The following PROB1 variants were observed in gnomAD, a reference collection of about 807,000 sequenced individuals.
The protein encoded by PROB1 is proline-rich basic protein 1.
For missense variants in PROB1, 1,453 were observed against 1,485.7 expected, an observed-to-expected ratio of 0.98 and a Z score of 0.36; for synonymous variants, 660 against 699.3, an observed-to-expected ratio of 0.94 and a Z score of 0.89.
rs1338390496 is a variant in PROB1 at position 139,393,820 on chromosome 5, G to A, written c.1262C>T (p.Thr421Ile). ...SPQNLSPWDR[T>I]TRRVSSPLFP... ...CAATGGGCTACTCACCCTCCGAGTA[G>A]TCCGATCCCACGGGGACAGGTTCTG... is the stretch of plus-strand genomic sequence containing the variant. Residue 421 changes from threonine (T) to isoleucine (I), a missense_variant, in exon 1 of 1, where the codon ACT becomes ATT. Coordinates refer to ENST00000434752, the MANE Select transcript of PROB1 (RefSeq NM_001161546.2). 1 of 1,551,322 alleles carries A rather than the reference G, an allele frequency of 6.4e-7. No individual in the cohort carries two copies. The highest frequency in any genetic ancestry group is 2.0e-5 in the Admixed American group (1 of 50,994).
At position 139,393,155 on chromosome 5, in the gene PROB1, C is replaced by A; in HGVS notation, c.1927G>T (p.Ala643Ser). ...TTYAPGFPAGAQGSGLPAPPA... is the reference protein window; with the variant it reads ...TTYAPGFPAGSQGSGLPAPPA... Reference sequence around the variant, plus strand: ...GGCGCAGGCAGCCCAGAGCCTTGTGCTCCTGCCGGGAAGCCTGGCGCGTAC... The same window carrying A: ...GGCGCAGGCAGCCCAGAGCCTTGTGATCCTGCCGGGAAGCCTGGCGCGTAC... Residue 643 changes from alanine (A) to serine (S), a missense_variant, in exon 1 of 1, where the codon GCA becomes TCA. Transcript: ENST00000434752. 1 of 1,546,150 alleles carries A rather than the reference C, an allele frequency of 6.5e-7. No homozygotes were observed. Among genetic ancestry groups the A allele is most frequent in the East Asian group, 2.4e-5 (1 of 40,850 alleles).
chr5:139,392,972 T>A lies in PROB1; in HGVS notation c.2110A>T (p.Thr704Ser), dbSNP rs1266711902. Reference protein sequence around the residue: ...PYEPPEPSFDTVARDASQPNG... With the variant: ...PYEPPEPSFDSVARDASQPNG... ...GGCTGTGAGGCGTCCCGGGCGACCG[T>A]GTCGAAGGACGGTTCAGGAGGCTCG... is the stretch of plus-strand genomic sequence containing the variant. The change falls in exon 1 of 1, where the codon ACG (threonine) becomes TCG (serine). Residue 704 changes from threonine to serine, a missense_variant. Coordinates refer to ENST00000434752, the MANE Select transcript of PROB1 (RefSeq NM_001161546.2). The surrounding 1 kb of genome is among the most constrained non-coding windows in gnomAD (Gnocchi z 5.8). The A allele has an allele frequency of 6.6e-7, 1 of 1,504,600 alleles. No individual in the cohort carries two copies. Among genetic ancestry groups the A allele is most frequent in the South Asian group, 1.3e-5 (1 of 78,618 alleles). The allele number at this position is 1,504,600 out of a possible 1,614,324, so 93.2% of individuals were successfully genotyped here.
Position 139,393,371 on chromosome 5 carries a change from A to C in PROB1, c.1711T>G (p.Ser571Ala), listed in dbSNP as rs779658454. ...TGACTCCCTCCAAAGGCAAGATCTG[A>C]AATTTCCCGCGTGGATGGACTCTGC... is the stretch of plus-strand genomic sequence containing the variant. ...EMQSPSTREI[S>A]DLAFGGSQQS... Residue 571 changes from serine to alanine, a missense_variant, in exon 1 of 1, where the codon TCA becomes GCA. Physicochemically the swap from Ser to Ala is moderately conservative, Grantham distance 99 (BLOSUM62 1). Transcript: ENST00000434752. 6.4e-7 allele frequency: 1 copy of C among 1,551,550 alleles called. No individual in the cohort carries two copies. The highest frequency in any genetic ancestry group is 1.2e-5 in the South Asian group (1 of 84,062).
At position 139,394,870 on chromosome 5, in the gene PROB1, A is replaced by T; in HGVS notation, c.212T>A (p.Leu71Gln). The T allele has an allele frequency of 6.6e-7, 1 of 1,521,962 alleles. No individual in the cohort carries two copies. Among genetic ancestry groups the T allele is most frequent in the African/African-American group, 1.4e-5 (1 of 69,512 alleles). The allele number at this position is 1,521,962 out of a possible 1,614,324, so 94.3% of individuals were successfully genotyped here. Reference sequence around the variant, plus strand: ...GCGGCTATTCTGGGCGCTGACGGACAGGCGAGGCTGCGCGCCCGCCCCCCG... The same window carrying T: ...GCGGCTATTCTGGGCGCTGACGGACTGGCGAGGCTGCGCGCCCGCCCCCCG... The part of the protein sequence containing the change: ...PGRGAGAQPR[L>Q]SVSAQNSRQR... The change falls in exon 1 of 1, where the codon CTG becomes CAG. Residue 71 changes from leucine to glutamine, a missense_variant. Physicochemically the swap from Leu to Gln is moderately radical, Grantham distance 113. Transcript: ENST00000434752.
At position 139,395,086 on chromosome 5, in the gene PROB1, G is replaced by C. The variant is rs763015704; in HGVS notation, c.-5C>G. ...CGGGGCGAGCGCGGTCAGCATGGTG[G>C]GGCCGGACGCCGTGCACTATCTCCC... On this transcript the variant is annotated 5_prime_UTR_variant, in exon 1 of 1. Coordinates refer to ENST00000434752, the MANE Select transcript of PROB1 (RefSeq NM_001161546.2). The C allele has an allele frequency of 5.1e-5, 72 of 1,398,646 alleles. 2 individuals are homozygous for C. The South Asian group carries it at 1.1e-3, about 21-fold the overall frequency. 86.6% of individuals were successfully genotyped at this position (1,398,646 alleles called of 1,614,324 possible).
Position 139,392,304 on chromosome 5 carries a change from G to T in PROB1, c.2778C>A (p.Pro926=). The T allele has an allele frequency of 1.3e-6, 2 of 1,533,054 alleles. No individual in the cohort carries two copies. Among genetic ancestry groups the T allele is most frequent in the Non-Finnish European group, 1.8e-6 (2 of 1,139,144 alleles). The allele number at this position is 1,533,054 out of a possible 1,614,324, so 95.0% of individuals were successfully genotyped here. Residue 926 remains proline, a synonymous_variant, in exon 1 of 1, where the codon CCC becomes CCA. Coordinates refer to ENST00000434752, the MANE Select transcript of PROB1 (RefSeq NM_001161546.2). This position sits in a 1 kb window ranked among gnomAD's most constrained non-coding sequence, Gnocchi z 5.8. ...VLLPPSSPGP[P]HRVYTPLALG... ...GGGCCAGAGGGGTGTAGACGCGGTG[G>T]GGCGGCCCGGGAGACGAGGGCGGCA...
chr5:139,391,730 A>C lies in PROB1; in HGVS notation c.*304T>G. 1 of 286,124 alleles carries C rather than the reference A, an allele frequency of 3.5e-6. No individual in the cohort carries two copies. Among genetic ancestry groups the C allele is most frequent in the Non-Finnish European group, 6.5e-6 (1 of 154,012 alleles). 17.7% of individuals were successfully genotyped at this position (286,124 alleles called of 1,614,324 possible). A position where few individuals can be genotyped will look rare whatever the true frequency, so the allele number is the denominator to read the frequency against. ...AGCCCAGGGATGCCTCACTTTCCCTATTTGCTTGCCCGCATATACACATAT... is the reference window on the plus strand; with the variant it reads ...AGCCCAGGGATGCCTCACTTTCCCTCTTTGCTTGCCCGCATATACACATAT... On this transcript the variant is annotated 3_prime_UTR_variant, in exon 1 of 1. Coordinates refer to ENST00000434752, the MANE Select transcript of PROB1 (RefSeq NM_001161546.2). The surrounding 1 kb of genome is among the most constrained non-coding windows in gnomAD (Gnocchi z 4.8).
rs1258913945 is a variant in PROB1 at position 139,392,741 on chromosome 5, C to T, written c.2341G>A (p.Gly781Ser). 9.9e-6 allele frequency: 14 copies of T among 1,413,206 alleles called. No individual in the cohort carries two copies. Among genetic ancestry groups the T allele is most frequent in the Admixed American group, 9.9e-5 (3 of 30,302 alleles). 87.5% of individuals were successfully genotyped at this position (1,413,206 alleles called of 1,614,324 possible). The change falls in exon 1 of 1, where the codon GGC becomes AGC. Residue 781 changes from glycine to serine, a missense_variant. Coordinates refer to ENST00000434752, the MANE Select transcript of PROB1 (RefSeq NM_001161546.2). The surrounding 1 kb of genome is among the most constrained non-coding windows in gnomAD (Gnocchi z 5.8). ...GAGCGCTGGGATGAGCTGCGGGCGC[C>T]GCCTAGAGGGCTGGTCCGACCGTCG... The part of the protein sequence containing the change: ...DGDGRTSPLG[G>S]ARSSSQRSPV...
At position 139,391,891 on chromosome 5, in the gene PROB1, T is replaced by G. The variant is rs553828041; in HGVS notation, c.*143A>C. The G allele has an allele frequency of 4.0e-4, 272 of 678,472 alleles. No individual in the cohort carries two copies. The highest frequency in any genetic ancestry group is 2.3e-3 in the South Asian group (37 of 16,434). The allele number at this position is 678,472 out of a possible 1,614,324, so 42.0% of individuals were successfully genotyped here. On this transcript the variant is annotated 3_prime_UTR_variant, in exon 1 of 1. Coordinates refer to ENST00000434752, the MANE Select transcript of PROB1 (RefSeq NM_001161546.2). This position sits in a 1 kb window ranked among gnomAD's most constrained non-coding sequence, Gnocchi z 4.8. The stretch of plus-strand genomic sequence containing the variant: ...CACCAGCCTCGGGGCTCAGATTCAT[T>G]CTCTGAAGATCACTTCCTGTCCGAC...
rs1305258057 is a variant in PROB1, at chr5:139,394,488, C to T, written c.594G>A (p.Ala198=). ...CVEVALEEGA[A]PARPRTVPKR... ...TGGGCACTGTCCGGGGCCTGGCGGG[C>T]GCGGCGCCCTCCTCCAGAGCCACCT... The change falls in exon 1 of 1, where the codon GCG becomes GCA. Residue 198 remains alanine (A), a synonymous_variant. Transcript: ENST00000434752. The T allele has an allele frequency of 2.1e-6, 3 of 1,421,552 alleles. No homozygotes were observed. Among genetic ancestry groups the T allele is most frequent in the Middle Eastern group, 2.0e-4 (1 of 4,912 alleles). 88.1% of individuals were successfully genotyped at this position (1,421,552 alleles called of 1,614,324 possible).
In PROB1 at chr5:139,394,422, T is replaced by G; in HGVS notation, c.660A>C (p.Pro220=). The change falls in exon 1 of 1, where the codon CCA becomes CCC. Residue 220 remains proline (P), a synonymous_variant. Coordinates refer to ENST00000434752, the MANE Select transcript of PROB1 (RefSeq NM_001161546.2). ...IELRPRPQSP[P]RAAGAPRPRL... is the part of the protein sequence containing the mutation. ...GGGGGCGCGGCGCGCCGGCCGCCCT[T>G]GGGGGACTCTGGGGCCGGGGGCGCA... The G allele has an allele frequency of 7.2e-7, 1 of 1,393,458 alleles. No homozygotes were observed. 86.3% of individuals were successfully genotyped at this position (1,393,458 alleles called of 1,614,324 possible). A position where few individuals can be genotyped will look rare whatever the true frequency, so the allele number is the denominator to read the frequency against.
In PROB1 at chr5:139,392,973, G is replaced by C. The variant is rs1459032395; in HGVS notation, c.2109C>G (p.Asp703Glu). Residue 703 changes from aspartate to glutamate, a missense_variant, in exon 1 of 1, where the codon GAC becomes GAG. Physicochemically the swap from Asp to Glu is conservative, Grantham distance 45 (BLOSUM62 2). Transcript: ENST00000434752. The surrounding 1 kb of genome is among the most constrained non-coding windows in gnomAD (Gnocchi z 5.8). Reference sequence around the variant, plus strand: ...GCTGTGAGGCGTCCCGGGCGACCGTGTCGAAGGACGGTTCAGGAGGCTCGT... The same window carrying C: ...GCTGTGAGGCGTCCCGGGCGACCGTCTCGAAGGACGGTTCAGGAGGCTCGT... ...HPYEPPEPSF[D>E]TVARDASQPN... 2.0e-6 allele frequency: 3 copies of C among 1,506,162 alleles called. No homozygotes were observed. Among genetic ancestry groups the C allele is most frequent in the Non-Finnish European group, 2.7e-6 (3 of 1,123,730 alleles). 93.3% of individuals were successfully genotyped at this position (1,506,162 alleles called of 1,614,324 possible).
In PROB1 at chr5:139,392,664, C is replaced by A. The variant is rs1231549013; in HGVS notation, c.2418G>T (p.Met806Ile). The A allele has an allele frequency of 4.3e-6, 6 of 1,401,140 alleles. No homozygotes were observed. In the African/African-American group the frequency reaches 6.1e-5, roughly 14 times the overall value. The allele number at this position is 1,401,140 out of a possible 1,614,324, so 86.8% of individuals were successfully genotyped here. A position where few individuals can be genotyped will look rare whatever the true frequency, so the allele number is the denominator to read the frequency against. ...CTATCCCAGGGCTCGGGCTGGCTTG[C>A]ATCTGAGGGGAGCCGGGGCGGGGCG... ...VRSPRPGSPQ[M>I]QASPSPGIAP... The change falls in exon 1 of 1, where the codon ATG becomes ATT. Residue 806 changes from methionine to isoleucine, a missense_variant. Met to Ile is a conservative substitution (Grantham distance 10). Transcript: ENST00000434752. This position sits in a 1 kb window ranked among gnomAD's most constrained non-coding sequence, Gnocchi z 5.8.
In PROB1 at chr5:139,391,966, A is replaced by C; in HGVS notation, c.*68T>G. 1 of 1,225,886 alleles carries C rather than the reference A, an allele frequency of 8.2e-7. No individual in the cohort carries two copies. Among genetic ancestry groups the C allele is most frequent in the Non-Finnish European group, 1.1e-6 (1 of 947,284 alleles). 75.9% of individuals were successfully genotyped at this position (1,225,886 alleles called of 1,614,324 possible). A position where few individuals can be genotyped will look rare whatever the true frequency, so the allele number is the denominator to read the frequency against. ...AGAGGCGACGGAAGGAGAGGAGGGT[A>C]GGGGCTTGGATGCCAGAACCTCCCA... On this transcript the variant is annotated 3_prime_UTR_variant, in exon 1 of 1. Transcript: ENST00000434752. The surrounding 1 kb of genome is among the most constrained non-coding windows in gnomAD (Gnocchi z 4.8).
chr5:139,391,027 C>G lies in PROB1; in HGVS notation c.*1007G>C, dbSNP rs964959229. ...GGGCAACTGAAGTGCAGGCTCTGGG[C>G]CCTGTCCCTTGCTGTGACTGGTCTG... On this transcript the variant is annotated 3_prime_UTR_variant, in exon 1 of 1. Coordinates refer to ENST00000434752, the MANE Select transcript of PROB1 (RefSeq NM_001161546.2). The surrounding 1 kb of genome is among the most constrained non-coding windows in gnomAD (Gnocchi z 4.8). 6.6e-6 allele frequency: 1 copy of G among 152,338 alleles called. No homozygotes were observed. The highest frequency in any genetic ancestry group is 6.5e-5 in the Admixed American group (1 of 15,280). 9.4% of individuals were successfully genotyped at this position (152,338 alleles called of 1,614,324 possible). A position where few individuals can be genotyped will look rare whatever the true frequency, so the allele number is the denominator to read the frequency against.
At position 139,392,313 on chromosome 5, in the gene PROB1, G is replaced by C. The variant is rs1326210973; in HGVS notation, c.2769C>G (p.Pro923=). Residue 923 remains proline (P), a synonymous_variant, in exon 1 of 1, where the codon CCC becomes CCG. Transcript: ENST00000434752. The surrounding 1 kb of genome is among the most constrained non-coding windows in gnomAD (Gnocchi z 5.8). ...GGGTGTAGACGCGGTGGGGCGGCCCGGGAGACGAGGGCGGCAGCAACACCT... is the reference window on the plus strand; with the variant it reads ...GGGTGTAGACGCGGTGGGGCGGCCCCGGAGACGAGGGCGGCAGCAACACCT... ...YVEVLLPPSS[P]GPPHRVYTPL... is the part of the protein sequence containing the mutation. 17 of 1,507,320 alleles carry C rather than the reference G, an allele frequency of 1.1e-5. No homozygotes were observed. The highest frequency in any genetic ancestry group is 1.4e-5 in the Non-Finnish European group (16 of 1,125,516). 93.4% of individuals were successfully genotyped at this position (1,507,320 alleles called of 1,614,324 possible). A position where few individuals can be genotyped will look rare whatever the true frequency, so the allele number is the denominator to read the frequency against.
chr5:139,392,246 G>A lies in PROB1; in HGVS notation c.2836C>T (p.Pro946Ser), dbSNP rs771915381. The change falls in exon 1 of 1, where the codon CCT becomes TCT. Residue 946 changes from proline (P) to serine (S), a missense_variant. Physicochemically the swap from Pro to Ser is moderately conservative, Grantham distance 74. Coordinates refer to ENST00000434752, the MANE Select transcript of PROB1 (RefSeq NM_001161546.2). This position sits in a 1 kb window ranked among gnomAD's most constrained non-coding sequence, Gnocchi z 5.8. ...GLGLYPPAYG[P>S]IPSLSLPPSP... The stretch of plus-strand genomic sequence containing the variant: ...GGTGGCAGAGAGAGGCTGGGTATAG[G>A]CCCATAGGCGGGCGGGTAGAGGCCG... The A allele has an allele frequency of 6.7e-7, 1 of 1,487,102 alleles. No individual in the cohort carries two copies. Among genetic ancestry groups the A allele is most frequent in the South Asian group, 1.3e-5 (1 of 76,514 alleles). The allele number at this position is 1,487,102 out of a possible 1,614,324, so 92.1% of individuals were successfully genotyped here. A position where few individuals can be genotyped will look rare whatever the true frequency, so the allele number is the denominator to read the frequency against.
rs569957742 is a variant in PROB1, at chr5:139,392,450, G to A, written c.2632C>T (p.Pro878Ser). 2.0e-4 allele frequency: 284 copies of A among 1,430,046 alleles called. 1 individual carries two copies. The African/African-American group carries it at 3.6e-3, about 18-fold the overall frequency. 88.6% of individuals were successfully genotyped at this position (1,430,046 alleles called of 1,614,324 possible). A position where few individuals can be genotyped will look rare whatever the true frequency, so the allele number is the denominator to read the frequency against. ...GGGTCCACCAAGACCTTCCCCAGGG[G>A]CGCGGCCCCGGGCTGCCTGCGCGCT... ...QGARRQPGAA[P>S]LGKVLVDPES... Residue 878 changes from proline to serine, a missense_variant, in exon 1 of 1, where the codon CCC (proline) becomes TCC (serine). By Grantham distance (74) the Pro-to-Ser change is moderately conservative (BLOSUM62 -1). Transcript: ENST00000434752. This position sits in a 1 kb window ranked among gnomAD's most constrained non-coding sequence, Gnocchi z 5.8.
rs1178893289 is a variant in PROB1, at chr5:139,393,710, G to T, written c.1372C>A (p.Leu458Ile). 1.7e-5 allele frequency: 26 copies of T among 1,551,304 alleles called. No individual in the cohort carries two copies. Among genetic ancestry groups the T allele is most frequent in the Non-Finnish European group, 2.3e-5 (26 of 1,146,994 alleles). The change falls in exon 1 of 1, where the codon CTT becomes ATT. Residue 458 changes from leucine (L) to isoleucine (I), a missense_variant. By Grantham distance (5) the Leu-to-Ile change is conservative. Transcript: ENST00000434752. ...GCAACACACTGATTCCACTGGGAAA[G>T]GATCGGAGGGGAAGGGCTTCTCCTG... is the stretch of plus-strand genomic sequence containing the variant. ...VSRRSPSPPI[L>I]SQWNQCVAGE...
Sources: allele counts gnomAD v4.1 joint callset, GRCh38; gene constraint gnomAD v4.1.1; non-coding constraint Gnocchi (gnomAD v3.1); transcripts MANE v1.5; gene names NCBI Gene and HGNC (gene_info 2026-07-23, HGNC 2026-07-21).